The following SLC4A8 variants were observed in gnomAD, a reference collection of about 807,000 sequenced individuals.
The protein encoded by SLC4A8 is electroneutral sodium bicarbonate exchanger 1.
A neutral mutation model predicts 125.0 loss-of-function variants in SLC4A8; 40 were observed. That is an observed-to-expected ratio of 0.32 (90% CI 0.25 to 0.42). The LOEUF (loss-of-function observed/expected upper bound fraction) is 0.42, where lower values mean the gene tolerates loss of function less well. Ranked by LOEUF, SLC4A8 falls within the 10% of genes least tolerant of loss-of-function variation. The pLI, the probability that SLC4A8 is intolerant of heterozygous loss-of-function variation, is 1.00. For missense variants in SLC4A8, 863 were observed against 1,355.1 expected (o/e 0.64, Z 5.70); for synonymous variants, 456 against 476.0 (o/e 0.96, Z 0.55).
intron 5 of SLC4A8, among the ~76,000 whole-genome samples, chr12:51,456,192 TAGA>T (rs1950146144): frequency 1.5e-5 from 1 of 68,048 alleles, no homozygotes; most frequent in Non-Finnish European, 4.5e-5. Context: ...CAGGAGGTGA[TAGA>T]TAGAGGGAGA....
intron 17 of SLC4A8, among the ~76,000 whole-genome samples, chr12:51,487,500 A>G (rs1404324521): frequency 6.6e-6 from 1 of 152,228 alleles, no homozygotes; most frequent in Non-Finnish European, 1.5e-5. Context: ...CAAATCAAAT[A>G]TAACAGTCTG....
chr12:51,445,089 A>C (rs1440062700), intron 2 of SLC4A8, among the ~76,000 whole-genome samples: 1 of 152,164 alleles, frequency 6.6e-6, no homozygotes, highest in Non-Finnish European at 1.5e-5. Flanking sequence ...TTCTTAACCT[A>C]AGTCCAGCTC....
In SLC4A8 at chr12:51,424,832, C is replaced by A; in HGVS notation, c.-156C>A. 1 of 729,368 alleles carries A rather than the reference C, an allele frequency of 1.4e-6. No individual in the cohort carries two copies. Among genetic ancestry groups the A allele is most frequent in the South Asian group, 1.8e-5 (1 of 55,754 alleles). 45.2% of individuals were successfully genotyped at this position (729,368 alleles called of 1,614,324 possible). A position where few individuals can be genotyped will look rare whatever the true frequency, so the allele number is the denominator to read the frequency against. ...CTGATTGGTTGCGGCGGATGCCTCG[C>A]GGGCCGGTGGCTATGGAGGCGGCGG... On this transcript the variant is annotated 5_prime_UTR_variant, in exon 1 of 25. Coordinates refer to ENST00000453097, the MANE Select transcript of SLC4A8 (RefSeq NM_001039960.3).
intron 16 of SLC4A8, among the ~76,000 whole-genome samples, chr12:51,475,929 G>A (rs1396381337): frequency 6.6e-6 from 1 of 152,130 alleles, no homozygotes; most frequent in Non-Finnish European, 1.5e-5. Context: ...CAGTCACATG[G>A]AAACATCTAT....
chr12:51,488,953 G>C (rs183544654), intron 18 of SLC4A8, 93 bp downstream of exon 18: 1 of 909,126 alleles, frequency 1.1e-6, no homozygotes, highest in East Asian at 2.5e-5. Context: ...AGAAATTGTA[G>C]AATCTCATAG....
At chr12:51,393,127 C>G (rs1948187344) in intron 1 of SLC4A8, among the ~76,000 whole-genome samples, 1 of 149,478 alleles carries the variant, frequency 6.7e-6, no homozygotes, top group South Asian at 2.1e-4. Flanking sequence ...CTTTCTTTCT[C>G]TCTTTCTTTT....
intron 16 of SLC4A8, among the ~76,000 whole-genome samples, chr12:51,483,902 C>T (rs1039385684): frequency 6.6e-6 from 1 of 152,138 alleles, no homozygotes; most frequent in African/African-American, 2.4e-5. Flanking sequence ...CCCCACCCCA[C>T]AACAGGCCCC....
chr12:51,458,481 C>G (rs1453807531), intron 6 of SLC4A8, 78 bp from the exon 7 acceptor site: 3 of 1,011,092 alleles, frequency 3.0e-6, no homozygotes, highest in Non-Finnish European at 4.7e-6. Context: ...GAAGGCAGAA[C>G]CAACTGATGA....
chr12:51,467,289 T>A (rs1950550624), intron 11 of SLC4A8: 1 of 152,232 alleles, frequency 6.6e-6, no homozygotes, highest in East Asian at 1.9e-4. Flanking sequence ...TTACCTGAGC[T>A]AGGTTTGCCA....
intron 5 of SLC4A8, among the ~76,000 whole-genome samples, chr12:51,456,308 A>G (rs1292981964): frequency 6.6e-6 from 1 of 152,130 alleles, no homozygotes. Flanking sequence ...AAAAATACAG[A>G]AATATGGCTC....
intron 16 of SLC4A8, among the ~76,000 whole-genome samples, chr12:51,484,547 G>A (rs985706310): frequency 1.3e-5 from 2 of 152,158 alleles, no homozygotes; most frequent in Non-Finnish European, 2.9e-5. Context: ...TGCATTCAGA[G>A]AAGAACTAAC....
At chr12:51,459,228 C>T (rs1950244643) in intron 7 of SLC4A8, among the ~76,000 whole-genome samples, 1 of 152,210 alleles carries the variant, frequency 6.6e-6, no homozygotes, top group Non-Finnish European at 1.5e-5. Flanking sequence ...GCTCATAAGG[C>T]TTCCCATTTT....
chr12:51,433,140 A>G (rs2138077894), intron 1 of SLC4A8, among the ~76,000 whole-genome samples: 1 of 152,146 alleles, frequency 6.6e-6, no homozygotes, highest in South Asian at 2.1e-4. Flanking sequence ...TTTAATTTCC[A>G]TTTACTGTAA....
chr12:51,424,757 GA>G, upstream of SLC4A8: 2 of 490,876 alleles, frequency 4.1e-6, no homozygotes. Flanking sequence ...GGTACCGCCG[GA>G]CAGCGTCCTC....
chr12:51,485,957 A>G, intron 17 of SLC4A8, 57 bp downstream of exon 17: 1 of 1,028,590 alleles, frequency 9.7e-7, no homozygotes, highest in Non-Finnish European at 1.5e-6. Flanking sequence ...TTCTGATGCC[A>G]AGTAAATTTC....
At chr12:51,481,996 G>T (rs1951044353) in intron 16 of SLC4A8, among the ~76,000 whole-genome samples, 1 of 152,038 alleles carries the variant, frequency 6.6e-6, no homozygotes, top group Non-Finnish European at 1.5e-5. Flanking sequence ...CTACTCTTAA[G>T]TTGGTATATA....
chr12:51,400,870 A>G (rs559806778), intron 1 of SLC4A8, among the ~76,000 whole-genome samples: 44 of 142,288 alleles, frequency 3.1e-4, no homozygotes, highest in East Asian at 1.0e-3. Flanking sequence ...AAACATATAT[A>G]TGTATATACA....
chr12:51,493,655 C>A, intron 19 of SLC4A8, 49 bp from the exon 20 acceptor site: 2 of 1,188,484 alleles, frequency 1.7e-6, no homozygotes, highest in Non-Finnish European at 2.5e-6. Context: ...TTTGAGTGTG[C>A]TATGATACCA....
intron 1 of SLC4A8, among the ~76,000 whole-genome samples, chr12:51,408,390 C>A (rs921957292): frequency 2.6e-5 from 4 of 152,204 alleles, no homozygotes; most frequent in Non-Finnish European, 5.9e-5. Context: ...CCACCATACC[C>A]AGCTAATTTT....
Sources: allele counts gnomAD v4.1 joint callset (sites outside exome capture counted in the v4.1 genomes callset), GRCh38; gene constraint gnomAD v4.1.1; transcripts MANE v1.5; gene names NCBI Gene and HGNC (gene_info 2026-07-23, HGNC 2026-07-21).